USP49: variants seen among roughly 807,000 people sequenced by gnomAD.
The protein encoded by USP49 is ubiquitin specific peptidase 49.
In USP49, 24 loss-of-function variants were observed where a neutral mutation model predicts 58.6. The observed-to-expected ratio is 0.41, with a 90% CI of 0.30 to 0.58. The LOEUF is 0.58. Ranked by LOEUF, USP49 falls within the 20% of genes least tolerant of loss-of-function variation. The probability of loss-of-function intolerance (pLI) is 0.30; values close to 1 mark genes in which losing one functional copy is unlikely to be tolerated. For synonymous variants in USP49, 408 were observed against 365.1 expected (o/e 1.12, Z -1.34); for missense variants, 703 against 866.1 (o/e 0.81, Z 2.36).
chr6:41,826,799 C>G (rs1666717114), intron 3 of USP49, among the ~76,000 whole-genome samples: 1 of 148,008 alleles, frequency 6.8e-6, no homozygotes, highest in African/African-American at 2.7e-5. Context: ...CTGTGGAGGA[C>G]TGCCAGCCTC....
At chr6:41,802,456 A>ATTTTTTTTTTTTTTTTTTTTTTTTTT (rs1186521851) in intron 5 of USP49, among the ~76,000 whole-genome samples, 2 of 70,294 alleles carry the variant, frequency 2.8e-5, no homozygotes, top group African/African-American at 5.8e-5. Flanking sequence ...TTATTTATTT[A>ATTTTTTTTTTTTTTTTTTTTTTTTTT]TTTATTTATT....
At chr6:41,859,039 C>A (rs1219106305) in intron 3 of USP49, among the ~76,000 whole-genome samples, 1 of 152,180 alleles carries the variant, frequency 6.6e-6, no homozygotes, top group Non-Finnish European at 1.5e-5. Context: ...TGCCTCGATT[C>A]TAATTTAAAC....
Position 41,799,813 on chromosome 6 carries a change from T to C in USP49, c.1670+17A>G, listed in dbSNP as rs2127318121. The C allele has an allele frequency of 1.9e-6, 3 of 1,607,438 alleles. No individual in the cohort carries two copies. In the South Asian group the frequency reaches 3.3e-5, roughly 18 times the overall value. On this transcript the variant is annotated intron_variant, in intron 6 of 7. Transcript: ENST00000682992. ...CCCACAGCTCTCACCCAGCTGGGAC[T>C]CCCACAGCAAGCTCACCTGAATCTT...
At chr6:41,873,294 T>C (rs1203012931) in intron 2 of USP49, among the ~76,000 whole-genome samples, 1 of 152,162 alleles carries the variant, frequency 6.6e-6, no homozygotes, top group Non-Finnish European at 1.5e-5. Context: ...TTCAGGTAGG[T>C]ACACAAAATC....
intron 2 of USP49, 63 bp downstream of exon 2, chr6:41,891,731 T>C (rs1216614975): frequency 1.3e-5 from 2 of 152,222 alleles, no homozygotes; most frequent in African/African-American, 2.4e-5. Context: ...AAAGATTATC[T>C]ACAGAGGTTA....
intron 3 of USP49, among the ~76,000 whole-genome samples, chr6:41,865,636 C>A (rs188526372): frequency 6.6e-6 from 1 of 151,020 alleles, no homozygotes; most frequent in Non-Finnish European, 1.5e-5. Context: ...CCACCATGCT[C>A]GGCTTGTTTT....
intron 3 of USP49, among the ~76,000 whole-genome samples, chr6:41,833,904 C>A (rs1262601625): frequency 6.6e-6 from 1 of 152,240 alleles, no homozygotes; most frequent in East Asian, 1.9e-4. Flanking sequence ...TTGCTGAATT[C>A]TGCCCTTTTG....
chr6:41,802,456 A>ATTTTTTTTTTTTTTTTTTTTTTTTTTTT (rs1186521851), intron 5 of USP49, among the ~76,000 whole-genome samples: 1 of 70,294 alleles, frequency 1.4e-5, no homozygotes, highest in African/African-American at 5.8e-5. Context: ...TTATTTATTT[A>ATTTTTTTTTTTTTTTTTTTTTTTTTTTT]TTTATTTATT....
rs1261105286 is a variant in USP49 at position 41,796,665 on chromosome 6, G to A, written c.1935C>T (p.Cys645=). 11 of 717,354 alleles carry A rather than the reference G, an allele frequency of 1.5e-5. No individual in the cohort carries two copies. Among genetic ancestry groups the A allele is most frequent in the Non-Finnish European group, 2.9e-5 (11 of 385,116 alleles). The allele number at this position is 717,354 out of a possible 1,614,324, so 44.4% of individuals were successfully genotyped here. The change falls in exon 8 of 8, where the codon TGC becomes TGT. Residue 645 remains cysteine (C), a synonymous_variant. Transcript: ENST00000682992. ...AAAAAAGGATGTAGGCCTGGGTTTTGCACACTTCCTCGACACTGCATACAT... is the reference window on the plus strand; with the variant it reads ...AAAAAAGGATGTAGGCCTGGGTTTTACACACTTCCTCGACACTGCATACAT... ...KLNVCSVEEV[C]KTQAYILFYT...
chr6:41,864,937 CCAGG>C (rs1774284106), intron 3 of USP49, among the ~76,000 whole-genome samples: 2 of 151,952 alleles, frequency 1.3e-5, no homozygotes, highest in Non-Finnish European at 2.9e-5. Flanking sequence ...GAACAACTCA[CCAGG>C]CAAAGAAAAT....
At chr6:41,866,007 C>T (rs569359883) in intron 3 of USP49, among the ~76,000 whole-genome samples, 3 of 148,044 alleles carry the variant, frequency 2.0e-5, no homozygotes, top group Admixed American at 6.9e-5. Flanking sequence ...CTGCAACCTC[C>T]GCCTCCCAAG....
intron 4 of USP49, among the ~76,000 whole-genome samples, 195 bp from the exon 5 acceptor site, chr6:41,804,205 G>A (rs1012944967): frequency 6.6e-6 from 1 of 152,178 alleles, no homozygotes; most frequent in African/African-American, 2.4e-5. Flanking sequence ...ACTATGGGAT[G>A]CTAGCTGGAA....
In USP49 at chr6:41,812,013, ACAGATTTC is replaced by A. The variant is rs200397394; in HGVS notation, c.-28-5010_-28-5003del. Among the ~76,000 whole-genome samples the A allele has an allele frequency of 8.4e-3, 1,278 of 152,210 alleles. 21 individuals are homozygous for A. Among genetic ancestry groups the A allele is most frequent in the African/African-American group, 0.03 (1,228 of 41,542 alleles). Reference sequence around the variant, plus strand: ...ATTCCCCAGGCTACTTGTTATATATACAGATTTCCTGGTTACTACTCCAGTCCTGATGA... The same window carrying A: ...ATTCCCCAGGCTACTTGTTATATATACTGGTTACTACTCCAGTCCTGATGA... On this transcript the variant is annotated intron_variant, in intron 3 of 7. Coordinates refer to ENST00000682992, the MANE Select transcript of USP49 (RefSeq NM_001286554.2).
chr6:41,884,194 T>C (rs1774667795), intron 2 of USP49, among the ~76,000 whole-genome samples: 1 of 152,246 alleles, frequency 6.6e-6, no homozygotes, highest in East Asian at 1.9e-4. Flanking sequence ...CAGCTAATTT[T>C]TTGTATTTTT....
At chr6:41,824,036 A>T (rs562127364) in intron 3 of USP49, among the ~76,000 whole-genome samples, 7 of 152,318 alleles carry the variant, frequency 4.6e-5, no homozygotes, top group African/African-American at 1.7e-4. Flanking sequence ...GGGAGGCTCA[A>T]ATGAGATAGC....
In USP49 at chr6:41,791,611, G is replaced by C. The variant is rs1772799045; in HGVS notation, c.*4922C>G. The stretch of plus-strand genomic sequence containing the variant: ...CTGTCACACTTTTCAGCCCTGGCTA[G>C]TTAACACAGTACTATGAAAATCTTT... On this transcript the variant is annotated 3_prime_UTR_variant, in exon 8 of 8. Transcript: ENST00000682992. 1 of 152,216 alleles carries C rather than the reference G, an allele frequency of 6.6e-6. No homozygotes were observed. The highest frequency in any genetic ancestry group is 1.5e-5 in the Non-Finnish European group (1 of 68,046). The allele number at this position is 152,216 out of a possible 1,614,324, so 9.4% of individuals were successfully genotyped here. A position where few individuals can be genotyped will look rare whatever the true frequency, so the allele number is the denominator to read the frequency against.
In USP49 at chr6:41,842,945, G is replaced by A. The variant is rs576306343; in HGVS notation, c.-29+28619C>T. 7.9e-5 allele frequency among the ~76,000 whole-genome samples: 12 copies of A among 151,926 alleles called. 1 individual carries two copies. The East Asian group carries it at 2.3e-3, about 29-fold the overall frequency. ...GATGGAGTCTTGCTGTGTTGCCCAA[G>A]CCACAGTGCAGTGGCTATTCACAGA... On this transcript the variant is annotated intron_variant, in intron 3 of 7. Transcript: ENST00000682992.
intron 2 of USP49, among the ~76,000 whole-genome samples, chr6:41,884,298 C>T (rs1199182737): frequency 6.6e-6 from 1 of 152,320 alleles, no homozygotes; most frequent in East Asian, 1.9e-4. Context: ...GCTGGGATTA[C>T]AGGCGTGAGC....
chr6:41,850,552 CTACTA>C (rs1326626206), intron 3 of USP49, among the ~76,000 whole-genome samples: 1 of 150,926 alleles, frequency 6.6e-6, no homozygotes. Context: ...TTATAAGAGA[CTACTA>C]TAAACAATTG....
Sources: gnomAD v4.1 joint callset for allele counts (sites outside exome capture counted in the v4.1 genomes callset) on GRCh38, gnomAD v4.1.1 for gene constraint, MANE v1.5 for transcripts, NCBI Gene and HGNC (gene_info 2026-07-23, HGNC 2026-07-21) for gene names.